PDCD6: variants seen among roughly 807,000 people sequenced by gnomAD.
PDCD6 encodes the protein programmed cell death protein 6.
Under a neutral mutation model 28.3 loss-of-function variants are expected in PDCD6, and 12 were observed. That is an observed-to-expected ratio of 0.42 (90% CI 0.27 to 0.69). The LOEUF is 0.69. Ranked by LOEUF, PDCD6 falls within the 30% of genes least tolerant of loss-of-function variation. PDCD6 has a pLI of 0.22. For synonymous variants in PDCD6, 92 were observed against 108.0 expected (o/e 0.85, Z 0.92); for missense variants, 226 against 269.9 (o/e 0.84, Z 1.14).
chr5:285,183 G>C (rs868098181), intron 2 of PDCD6, among the ~76,000 whole-genome samples: 1 of 151,594 alleles, frequency 6.6e-6, no homozygotes, highest in South Asian at 2.1e-4. Context: ...TGCAGCTGGA[G>C]ACCCAGAGGG....
intron 2 of PDCD6, among the ~76,000 whole-genome samples, chr5:299,404 C>T (rs1378844259): frequency 8.0e-5 from 12 of 150,194 alleles, no homozygotes; most frequent in Admixed American, 3.3e-4. Flanking sequence ...ATCAGCCCAT[C>T]GGTTTCATCC....
intron 5 of PDCD6, among the ~76,000 whole-genome samples, chr5:312,902 CTG>C (rs1471466864): frequency 8.9e-6 from 1 of 112,410 alleles, no homozygotes; most frequent in Non-Finnish European, 1.6e-5. Flanking sequence ...ATTTGAGGTT[CTG>C]TGTCTGAATT....
chr5:314,109 G>C (rs909908565), intron 5 of PDCD6, among the ~76,000 whole-genome samples: 4 of 152,226 alleles, frequency 2.6e-5, no homozygotes, highest in South Asian at 2.1e-4. Flanking sequence ...CGGTCTTCAG[G>C]GGGAGAAGGA....
chr5:289,257 C>T lies in PDCD6; in HGVS notation c.164-14920C>T, dbSNP rs1739172220. 8 of 569,772 alleles carry T rather than the reference C, an allele frequency of 1.4e-5. No individual in the cohort carries two copies. The South Asian group carries it at 2.0e-4, about 14-fold the overall frequency. 35.3% of individuals were successfully genotyped at this position (569,772 alleles called of 1,614,324 possible). A position where few individuals can be genotyped will look rare whatever the true frequency, so the allele number is the denominator to read the frequency against. On this transcript the variant is annotated intron_variant, in intron 2 of 5. Transcript: ENST00000264933. The stretch of plus-strand genomic sequence containing the variant: ...TGTTCTATAATTCAAATCACATTCC[C>T]TGAAATTCAGCAACAACTACATACA...
intron 2 of PDCD6, among the ~76,000 whole-genome samples, chr5:277,561 A>G (rs1443557946): frequency 1.3e-5 from 2 of 151,252 alleles, no homozygotes; most frequent in Non-Finnish European, 1.5e-5. Flanking sequence ...TCAGCCTCCC[A>G]AAGTGCTGGG....
chr5:303,954 A>G (rs1277135202), intron 2 of PDCD6, among the ~76,000 whole-genome samples: 1 of 151,628 alleles, frequency 6.6e-6, no homozygotes, highest in Admixed American at 6.6e-5. Context: ...GAGGTCTGGG[A>G]GGCCACGAAG....
At chr5:273,935 GTT>G (rs34990391) in intron 2 of PDCD6, among the ~76,000 whole-genome samples, 217 of 146,138 alleles carry the variant, frequency 1.5e-3, no homozygotes, top group African/African-American at 4.4e-3. Flanking sequence ...TTAAATCCTC[GTT>G]TTTTTTTTTT....
At chr5:306,518 C>T (rs1740496693) in intron 3 of PDCD6, 84 bp from the exon 4 acceptor site, 1 of 1,491,336 alleles carries the variant, frequency 6.7e-7, no homozygotes, top group African/African-American at 1.4e-5. Flanking sequence ...CCGCCAGGCT[C>T]TGAGGGCTGA....
intron 2 of PDCD6, chr5:273,121 A>G (rs1320314860): frequency 3.8e-6 from 1 of 264,016 alleles, no homozygotes; most frequent in African/African-American, 2.3e-5. Flanking sequence ...GGGTGACTGC[A>G]TCTTGGTGAC....
chr5:302,491 CTGTGTGTG>C (rs111715060), intron 2 of PDCD6, among the ~76,000 whole-genome samples: 1 of 53,364 alleles, frequency 1.9e-5, no homozygotes, highest in African/African-American at 1.4e-4. Context: ...AGTGCTGCTG[CTGTGTGTG>C]TGTGTGTGTG....
intron 2 of PDCD6, chr5:276,753 G>C: frequency 1.0e-6 from 1 of 985,054 alleles, no homozygotes; most frequent in Non-Finnish European, 1.2e-6. Flanking sequence ...TTGTGCTTCT[G>C]AGTGCTTGTA....
chr5:288,878 AT>A, intron 2 of PDCD6: 6 of 1,546,866 alleles, frequency 3.9e-6, no homozygotes, highest in South Asian at 1.2e-5. Context: ...CTTCGTCATC[AT>A]TTTCCATGGA....
At chr5:299,986 C>T (rs1043838582) in intron 2 of PDCD6, among the ~76,000 whole-genome samples, 11 of 152,102 alleles carry the variant, frequency 7.2e-5, no homozygotes, top group African/African-American at 2.7e-4. Flanking sequence ...CATCACTGTC[C>T]TTCTCTCACA....
intron 1 of PDCD6, among the ~76,000 whole-genome samples, chr5:272,130 T>G (rs1737860593): frequency 2.0e-5 from 3 of 151,006 alleles, no homozygotes; most frequent in South Asian, 2.1e-4. Context: ...AGATGCAGAG[T>G]GCGCCACTGC....
chr5:291,371 C>T (rs1739301481), intron 2 of PDCD6, among the ~76,000 whole-genome samples: 1 of 152,168 alleles, frequency 6.6e-6, no homozygotes, highest in African/African-American at 2.4e-5. Context: ...CCTCCATTCT[C>T]TCCCTGAGAC....
chr5:284,311 C>A (rs1738783941), intron 2 of PDCD6, among the ~76,000 whole-genome samples: 1 of 152,026 alleles, frequency 6.6e-6, no homozygotes, highest in Admixed American at 6.5e-5. Context: ...TGAGGAGGAG[C>A]TGATGTTCTA....
At chr5:279,199 T>TC (rs1194363236) in intron 2 of PDCD6, among the ~76,000 whole-genome samples, 4 of 137,924 alleles carry the variant, frequency 2.9e-5, no homozygotes, top group Non-Finnish European at 4.5e-5. Flanking sequence ...AGTTTTTCAT[T>TC]CCCCCCTAAG....
chr5:287,187 T>C (rs1176303464), intron 2 of PDCD6, among the ~76,000 whole-genome samples: 1 of 151,774 alleles, frequency 6.6e-6, no homozygotes, highest in Non-Finnish European at 1.5e-5. Context: ...TGTCTTAGGT[T>C]TTGGAGCTGG....
chr5:274,367 C>T (rs1356561502), intron 2 of PDCD6, among the ~76,000 whole-genome samples: 4 of 152,108 alleles, frequency 2.6e-5, no homozygotes, highest in Middle Eastern at 3.2e-3. Context: ...AATACTGGAC[C>T]GCATTAGTAT....
Sources: gnomAD v4.1 joint callset for allele counts (sites outside exome capture counted in the v4.1 genomes callset) on GRCh38, gnomAD v4.1.1 for gene constraint, MANE v1.5 for transcripts, NCBI Gene and HGNC (gene_info 2026-07-23, HGNC 2026-07-21) for gene names.